The following MEGF11 variants were observed in gnomAD, a reference collection of about 807,000 sequenced individuals.
The protein encoded by MEGF11 is multiple epidermal growth factor-like domains protein 11.
In MEGF11, 126 loss-of-function variants were observed where a neutral mutation model predicts 146.6. The observed-to-expected ratio is 0.86, with a 90% CI of 0.74 to 1.00. The LOEUF (loss-of-function observed/expected upper bound fraction) is 1.00. MEGF11 is among the 50% of genes least tolerant of loss of function. MEGF11 has a pLI of 0.00. For missense variants in MEGF11, 1,509 were observed against 1,521.2 expected, an observed-to-expected ratio of 0.99 and a Z score of 0.13; for synonymous variants, 532 against 583.4, an observed-to-expected ratio of 0.91 and a Z score of 1.27.
chr15:66,034,323 T>G (rs1457993056), intron 5 of MEGF11, among the ~76,000 whole-genome samples: 1 of 152,190 alleles, frequency 6.6e-6, no homozygotes, highest in Non-Finnish European at 1.5e-5. Flanking sequence ...GTTAAGACTT[T>G]GTGGCTATTG....
chr15:66,232,523 TAAATCCTAGCTCTA>T (rs2091989102), intron 1 of MEGF11, among the ~76,000 whole-genome samples: 1 of 152,098 alleles, frequency 6.6e-6, no homozygotes, highest in African/African-American at 2.4e-5. Flanking sequence ...CTAGCTCCCT[TAAATCCTAGCTCTA>T]AAATCCTAGC....
chr15:66,128,273 A>G (rs760906358), intron 2 of MEGF11, 33 bp downstream of exon 2: 58 of 1,391,430 alleles, frequency 4.2e-5, no homozygotes, highest in Middle Eastern at 1.8e-4. Flanking sequence ...GATCCCCCAG[A>G]GAGTGCCTGG....
chr15:66,027,437 T>G (rs1264285957), intron 5 of MEGF11, among the ~76,000 whole-genome samples: 1 of 152,242 alleles, frequency 6.6e-6, no homozygotes, highest in Admixed American at 6.5e-5. Context: ...CAGGGCCACC[T>G]GAAACTCATT....
At chr15:66,124,436 G>A (rs2088229029) in intron 2 of MEGF11, among the ~76,000 whole-genome samples, 1 of 152,192 alleles carries the variant, frequency 6.6e-6, no homozygotes, top group Admixed American at 6.5e-5. Flanking sequence ...ATTTTATAGA[G>A]GAAGAAACTA....
At chr15:66,127,610 A>G (rs2088424257) in intron 2 of MEGF11, among the ~76,000 whole-genome samples, 1 of 152,104 alleles carries the variant, frequency 6.6e-6, no homozygotes, top group Admixed American at 6.5e-5. Context: ...ATGGCCAATC[A>G]ATTCCGGGGT....
intron 1 of MEGF11, among the ~76,000 whole-genome samples, chr15:66,236,872 C>G (rs555365407): frequency 6.6e-6 from 1 of 152,158 alleles, no homozygotes; most frequent in African/African-American, 2.4e-5. Context: ...ATGGGCGGCC[C>G]GCTGTAACAC....
chr15:66,120,037 T>A (rs1216158313), intron 3 of MEGF11, among the ~76,000 whole-genome samples: 1 of 152,126 alleles, frequency 6.6e-6, no homozygotes, highest in African/African-American at 2.4e-5. Context: ...GTTTTATGAA[T>A]AAGAAAACTA....
intron 1 of MEGF11, among the ~76,000 whole-genome samples, chr15:66,149,684 G>T (rs1352351417): frequency 1.3e-5 from 2 of 152,212 alleles, no homozygotes; most frequent in East Asian, 3.8e-4. Context: ...AGTTACAAAG[G>T]TTAATTGCAG....
intron 1 of MEGF11, among the ~76,000 whole-genome samples, chr15:66,232,238 TAGA>T (rs796950363): frequency 2.2e-4 from 33 of 152,302 alleles, no homozygotes; most frequent in African/African-American, 7.2e-4. Flanking sequence ...CTACAGGCTG[TAGA>T]GACCTTCTCT....
chr15:66,114,267 T>C (rs1385671274), intron 4 of MEGF11, among the ~76,000 whole-genome samples: 1 of 152,234 alleles, frequency 6.6e-6, no homozygotes. Context: ...ATTAGAGCCC[T>C]CTTCTCTCTG....
At chr15:65,956,681 C>T (rs897127076) in intron 10 of MEGF11, among the ~76,000 whole-genome samples, 3 of 152,222 alleles carry the variant, frequency 2.0e-5, no homozygotes, top group South Asian at 2.1e-4. Context: ...GAACAGGATT[C>T]CACTTCCAAT....
intron 4 of MEGF11, among the ~76,000 whole-genome samples, chr15:66,097,332 C>G (rs1286328447): frequency 6.6e-6 from 1 of 152,102 alleles, no homozygotes; most frequent in Admixed American, 6.5e-5. Flanking sequence ...GGCGCTGGGG[C>G]GGCTGACTCC....
intron 4 of MEGF11, among the ~76,000 whole-genome samples, chr15:66,118,334 C>A (rs1486433774): frequency 6.6e-6 from 1 of 152,182 alleles, no homozygotes; most frequent in Non-Finnish European, 1.5e-5. Flanking sequence ...AGCTAGGAAG[C>A]CCAGATCTAC....
At chr15:66,194,677 G>A (rs1230884869) in intron 1 of MEGF11, among the ~76,000 whole-genome samples, 1 of 151,510 alleles carries the variant, frequency 6.6e-6, no homozygotes, top group Non-Finnish European at 1.5e-5. Context: ...GAAGGGGGAG[G>A]GGGAGGGGGA....
intron 5 of MEGF11, among the ~76,000 whole-genome samples, chr15:66,059,027 G>T (rs1271232954): frequency 6.6e-6 from 1 of 152,092 alleles, no homozygotes; most frequent in Non-Finnish European, 1.5e-5. Flanking sequence ...GGAGTCTGGG[G>T]GTGAGTAGGT....
At chr15:65,985,036 T>C (rs2141710294) in intron 5 of MEGF11, among the ~76,000 whole-genome samples, 1 of 152,268 alleles carries the variant, frequency 6.6e-6, no homozygotes. Flanking sequence ...CCCAAAGTGC[T>C]GGGATTACAA....
intron 5 of MEGF11, among the ~76,000 whole-genome samples, chr15:66,077,408 C>T (rs977736531): frequency 7.2e-5 from 11 of 152,226 alleles, no homozygotes; most frequent in African/African-American, 2.7e-4. Flanking sequence ...TATTGCAATT[C>T]TTGGGGCACG....
chr15:66,144,463 G>T (rs1173772663), intron 1 of MEGF11, among the ~76,000 whole-genome samples: 1 of 152,164 alleles, frequency 6.6e-6, no homozygotes, highest in Non-Finnish European at 1.5e-5. Context: ...TTCTTCCCTG[G>T]AATCACAAGT....
chr15:66,140,908 CTG>C (rs992529764), intron 1 of MEGF11, among the ~76,000 whole-genome samples: 10 of 152,186 alleles, frequency 6.6e-5, no homozygotes, highest in African/African-American at 1.9e-4. Flanking sequence ...TAAGAATACT[CTG>C]TGAATATTCC....
Sources: allele counts gnomAD v4.1 joint callset (sites outside exome capture counted in the v4.1 genomes callset), GRCh38; gene constraint gnomAD v4.1.1; transcripts MANE v1.5; gene names NCBI Gene and HGNC (gene_info 2026-07-23, HGNC 2026-07-21).